The following SIPA1L3 variants were observed in gnomAD, a reference collection of about 807,000 sequenced individuals.
SIPA1L3 encodes the protein signal induced proliferation associated 1 like 3.
SIPA1L3 carries 59 observed loss-of-function variants against 150.1 expected under a neutral mutation model. The observed-to-expected ratio is 0.39, with a 90% confidence interval of 0.32 to 0.49. The LOEUF (loss-of-function observed/expected upper bound fraction) is 0.49. Ranked by LOEUF, SIPA1L3 falls within the 20% of genes least tolerant of loss-of-function variation. SIPA1L3 has a pLI of 0.86. For missense variants in SIPA1L3, 2,211 were observed against 2,489.5 expected (o/e 0.89, Z 2.38); for synonymous variants, 1,070 against 1,077.6 (o/e 0.99, Z 0.14).
chr19:37,980,291 C>T (rs910310186), intron 1 of SIPA1L3, among the ~76,000 whole-genome samples: 1 of 152,198 alleles, frequency 6.6e-6, no homozygotes, highest in Non-Finnish European at 1.5e-5. Context: ...TCTAAGGTAT[C>T]ATTATATCAA....
chr19:38,111,923 C>G (rs983449364), intron 8 of SIPA1L3, among the ~76,000 whole-genome samples: 28 of 150,130 alleles, frequency 1.9e-4, no homozygotes, highest in African/African-American at 6.9e-4. Flanking sequence ...ATGCACGCAT[C>G]CGTGCACACA....
chr19:37,989,665 CTTTT>C (rs74174502), intron 1 of SIPA1L3, among the ~76,000 whole-genome samples: 2 of 127,594 alleles, frequency 1.6e-5, no homozygotes. Context: ...AGGATGAATT[CTTTT>C]TTTTTTTTTT....
intron 1 of SIPA1L3, among the ~76,000 whole-genome samples, chr19:38,016,410 G>C (rs1968231688): frequency 6.6e-6 from 1 of 152,194 alleles, no homozygotes; most frequent in Non-Finnish European, 1.5e-5. Context: ...CCACTGGTGG[G>C]TAGTGGTCCA....
chr19:38,017,251 C>G (rs1252426500), intron 1 of SIPA1L3, among the ~76,000 whole-genome samples: 1 of 152,176 alleles, frequency 6.6e-6, no homozygotes, highest in Non-Finnish European at 1.5e-5. Flanking sequence ...AGAGCAGTGA[C>G]TTTGTTTATT....
chr19:38,012,533 T>C (rs888876567), intron 1 of SIPA1L3, among the ~76,000 whole-genome samples: 1 of 152,152 alleles, frequency 6.6e-6, no homozygotes, highest in Non-Finnish European at 1.5e-5. Flanking sequence ...TCTCCTGGGC[T>C]GTGGAACAGC....
chr19:38,041,330 G>A (rs1418875289), intron 2 of SIPA1L3, among the ~76,000 whole-genome samples: 1 of 137,184 alleles, frequency 7.3e-6, no homozygotes, highest in Non-Finnish European at 1.5e-5. Context: ...CTAGGCTGGA[G>A]TGCTATGTCA....
Position 38,164,641 on chromosome 19 carries a change from C to T in SIPA1L3, c.3943C>T (p.Leu1315Phe), listed in dbSNP as rs1972165885. ...TAGTGACAGCGGCATCGACACCACC[C>T]TCTACACCTCCAGCCCTAGCTGCAT... ...GSSDSGIDTT[L>F]YTSSPSCMSL... The change falls in exon 15 of 22, where the codon CTC becomes TTC. Residue 1315 changes from leucine to phenylalanine, a missense_variant. Around this residue, in one of 5 missense-constraint regions of SIPA1L3, gnomAD observed 806 missense variants for 870.1 expected, o/e 0.93. Transcript: ENST00000222345. This position sits in a 1 kb window ranked among gnomAD's most constrained non-coding sequence, Gnocchi z 4.1. 2 of 1,613,774 alleles carry T rather than the reference C, an allele frequency of 1.2e-6. No homozygotes were observed. The highest frequency in any genetic ancestry group is 1.7e-6 in the Non-Finnish European group (2 of 1,179,960).
At chr19:37,977,067 G>A (rs1037804377) in intron 1 of SIPA1L3, among the ~76,000 whole-genome samples, 2 of 150,336 alleles carry the variant, frequency 1.3e-5, no homozygotes, top group Admixed American at 1.3e-4. Context: ...GAACTCCTGG[G>A]CTCAAGCAGT....
At chr19:37,953,049 C>T (rs1282025344) in intron 1 of SIPA1L3, among the ~76,000 whole-genome samples, 8 of 152,184 alleles carry the variant, frequency 5.3e-5, no homozygotes, top group South Asian at 2.1e-4. Context: ...GGTGAAACTC[C>T]GTCTGTACTA....
chr19:38,179,894 G>T (rs1478946881), intron 15 of SIPA1L3, among the ~76,000 whole-genome samples: 1 of 151,944 alleles, frequency 6.6e-6, no homozygotes, highest in Non-Finnish European at 1.5e-5. Context: ...CCAGGCTAGA[G>T]TGCAGTGGCG....
chr19:38,109,007 A>T (rs1970682425), intron 7 of SIPA1L3, among the ~76,000 whole-genome samples: 1 of 152,156 alleles, frequency 6.6e-6, no homozygotes, highest in Non-Finnish European at 1.5e-5. Context: ...AAAAGAAAAA[A>T]GAAAAAGAAC....
intron 16 of SIPA1L3, among the ~76,000 whole-genome samples, chr19:38,187,920 C>T (rs1972723221): frequency 6.6e-6 from 1 of 151,018 alleles, no homozygotes; most frequent in Non-Finnish European, 1.5e-5. Context: ...CACTTGTACC[C>T]AGGAAGCGGA....
At chr19:38,152,993 C>G in intron 13 of SIPA1L3, 26 bp downstream of exon 13, 3 of 1,606,316 alleles carry the variant, frequency 1.9e-6, no homozygotes, top group Non-Finnish European at 2.5e-6. Flanking sequence ...GCTGCTGCGC[C>G]CACCCGCCTG....
intron 15 of SIPA1L3, among the ~76,000 whole-genome samples, chr19:38,180,873 G>A (rs925487750): frequency 1.3e-5 from 2 of 152,188 alleles, no homozygotes; most frequent in Middle Eastern, 6.8e-3. Flanking sequence ...CCTTTTCTAG[G>A]TGTGAATCTC....
At chr19:38,065,440 A>G (rs1285057642) in intron 2 of SIPA1L3, among the ~76,000 whole-genome samples, 1 of 130,748 alleles carries the variant, frequency 7.6e-6, no homozygotes, top group Non-Finnish European at 1.6e-5. Context: ...TTTAAGATGG[A>G]CTTTCGCTGT....
At chr19:38,017,495 A>G (rs1363108) in intron 1 of SIPA1L3, among the ~76,000 whole-genome samples, 2 of 148,398 alleles carry the variant, frequency 1.3e-5, no homozygotes. Flanking sequence ...ACCCTGGGCC[A>G]CCACCATATA....
Position 37,973,564 on chromosome 19 carries a change from G to GGC in SIPA1L3, c.-378-55524_-378-55523insCG, listed in dbSNP as rs1043358797. ...AAAAAAAAAAAAAAAAGCGGGAGGG[G>GGC]GGCGCATCTTGAAGCACTAAAACGC... is the stretch of plus-strand genomic sequence containing the variant. On this transcript the variant is annotated intron_variant, in intron 1 of 21. Coordinates refer to ENST00000222345, the MANE Select transcript of SIPA1L3 (RefSeq NM_015073.3). Among the ~76,000 whole-genome samples, 131 of 144,540 alleles carry GGC rather than the reference G, an allele frequency of 9.1e-4. 9 individuals are homozygous for GGC. The highest frequency in any genetic ancestry group is 3.4e-3 in the Middle Eastern group (1 of 292). 94.8% of individuals were successfully genotyped at this position (144,540 alleles called of 152,430 possible).
chr19:38,119,277 C>T, intron 8 of SIPA1L3, 29 bp from the exon 9 acceptor site: 1 of 1,575,742 alleles, frequency 6.3e-7, no homozygotes, highest in Non-Finnish European at 8.7e-7. Flanking sequence ...CCTTTCTTCC[C>T]ACCATCTAAA....
chr19:37,943,266 A>G (rs1428793942), intron 1 of SIPA1L3, among the ~76,000 whole-genome samples: 2 of 152,096 alleles, frequency 1.3e-5, no homozygotes, highest in Non-Finnish European at 2.9e-5. Flanking sequence ...ACTGAGGCCC[A>G]GAGAAGTGAA....
Sources: allele counts gnomAD v4.1 joint callset (sites outside exome capture counted in the v4.1 genomes callset), GRCh38; gene constraint gnomAD v4.1.1; regional missense constraint gnomAD v4.1.1; non-coding constraint Gnocchi (gnomAD v3.1); transcripts MANE v1.5; gene names NCBI Gene and HGNC (gene_info 2026-07-23, HGNC 2026-07-21).